Variants in THAP8 observed in about 807,000 individuals in gnomAD.
THAP8 encodes THAP domain containing 8.
Under a neutral mutation model 25.0 loss-of-function variants are expected in THAP8, and 24 were observed. That is an observed-to-expected ratio of 0.96 (90% CI 0.69 to 1.35). The LOEUF (loss-of-function observed/expected upper bound fraction) is 1.35, where lower values mean the gene tolerates loss of function less well. Among genes scored for constraint, THAP8 ranks in the 40% most tolerant of loss-of-function variants. The pLI, the probability that THAP8 is intolerant of heterozygous loss-of-function variation, is 0.00. For synonymous variants in THAP8, 169 were observed against 157.6 expected (o/e 1.07, Z -0.54); for missense variants, 399 against 368.8 (o/e 1.08, Z -0.67).
intron 1 of THAP8, among the ~76,000 whole-genome samples, chr19:36,043,331 T>C (rs1969765483): frequency 6.6e-6 from 1 of 152,086 alleles, no homozygotes; most frequent in Non-Finnish European, 1.5e-5. Flanking sequence ...ACGATTTCAC[T>C]TATATGAGGT....
intron 1 of THAP8, among the ~76,000 whole-genome samples, chr19:36,047,889 A>G (rs914880448): frequency 6.6e-6 from 1 of 152,040 alleles, no homozygotes; most frequent in Non-Finnish European, 1.5e-5. Flanking sequence ...CTGTGGAGCT[A>G]CTATCCCAGT....
At chr19:36,053,366 C>CAAAA (rs58744657) in intron 1 of THAP8, among the ~76,000 whole-genome samples, 36 of 77,074 alleles carry the variant, frequency 4.7e-4, no homozygotes, top group African/African-American at 1.0e-3. Context: ...CCAAGCCTGG[C>CAAAA]AAAAAAAAAA....
chr19:36,039,533 C>A lies in THAP8; in HGVS notation c.462G>T (p.Ala154=). ...ATMLLTPLAP[A]PTPERSQPEV... ...CAGGTTGTGACCGCTCAGGAGTTGG[C>A]GCAGGGGCCAGGGGGGTCAGGAGCA... The change falls in exon 3 of 4, where the codon GCG becomes GCT. Residue 154 remains alanine, a synonymous_variant. Coordinates refer to ENST00000292894, the MANE Select transcript of THAP8 (RefSeq NM_152658.3). 6.5e-7 allele frequency: 1 copy of A among 1,549,068 alleles called. No homozygotes were observed. The highest frequency in any genetic ancestry group is 1.2e-5 in the South Asian group (1 of 83,110).
chr19:36,042,609 C>CA (rs1280567784), intron 1 of THAP8, among the ~76,000 whole-genome samples: 1 of 152,132 alleles, frequency 6.6e-6, no homozygotes, highest in Non-Finnish European at 1.5e-5. Flanking sequence ...CTAGCCTGGG[C>CA]AAAAGAGCGA....
intron 1 of THAP8, among the ~76,000 whole-genome samples, chr19:36,049,346 C>A (rs1969986812): frequency 6.6e-6 from 1 of 150,988 alleles, no homozygotes. Context: ...GCCTGGGTGA[C>A]AAAGCAAGAT....
chr19:36,045,307 C>T lies in THAP8; in HGVS notation c.84-5171G>A, dbSNP rs758655899. On this transcript the variant is annotated intron_variant, in intron 1 of 3. Transcript: ENST00000292894. The stretch of plus-strand genomic sequence containing the variant: ...ATTTAGAGACAGGGTTTTGCTCTGT[C>T]ACCCAGGTTGGAGTGCTGTGGTGTG... Among the ~76,000 whole-genome samples, 22 of 152,092 alleles carry T rather than the reference C, an allele frequency of 1.4e-4. No individual in the cohort carries two copies. The Middle Eastern group carries it at 0.017, about 118-fold the overall frequency.
intron 1 of THAP8, among the ~76,000 whole-genome samples, chr19:36,047,182 A>G (rs1969908338): frequency 6.6e-6 from 1 of 152,190 alleles, no homozygotes; most frequent in Non-Finnish European, 1.5e-5. Context: ...CTTGCTGGTC[A>G]TCTTGTCCAG....
intron 1 of THAP8, among the ~76,000 whole-genome samples, chr19:36,053,065 A>G (rs1383063006): frequency 6.6e-6 from 1 of 151,574 alleles, no homozygotes; most frequent in East Asian, 2.0e-4. Flanking sequence ...TCTCTCTTTA[A>G]AAACAAAATT....
chr19:36,038,837 C>A (rs536850895), intron 3 of THAP8, among the ~76,000 whole-genome samples: 1 of 146,788 alleles, frequency 6.8e-6, no homozygotes, highest in African/African-American at 2.6e-5. Context: ...GGCAACAGAG[C>A]GAGACTCCGT....
At chr19:36,054,755 T>G, upstream of THAP8, 2 of 624,026 alleles carry the variant, frequency 3.2e-6, no homozygotes, top group Non-Finnish European at 5.6e-6. Context: ...TCCAGTACAC[T>G]GGCTGTGGCC....
At chr19:36,045,119 G>A (rs906686400) in intron 1 of THAP8, among the ~76,000 whole-genome samples, 1 of 151,730 alleles carries the variant, frequency 6.6e-6, no homozygotes, top group Non-Finnish European at 1.5e-5. Context: ...ATGGAGTCTC[G>A]CTCTGTCACC....
rs997644171 is a variant in THAP8, at chr19:36,045,744, G to A, written c.84-5608C>T. 4 of 456,522 alleles carry A rather than the reference G, an allele frequency of 8.8e-6. No individual in the cohort carries two copies. The Admixed American group carries it at 9.4e-5, about 11-fold the overall frequency. The allele number at this position is 456,522 out of a possible 1,614,324, so 28.3% of individuals were successfully genotyped here. A position where few individuals can be genotyped will look rare whatever the true frequency, so the allele number is the denominator to read the frequency against. On this transcript the variant is annotated intron_variant, in intron 1 of 3. Transcript: ENST00000292894. Reference sequence around the variant, plus strand: ...AGGGCAATGCAACCATGGAGGCAGAGACTGGAGAGATGTGGCCACAAGCCA... The same window carrying A: ...AGGGCAATGCAACCATGGAGGCAGAAACTGGAGAGATGTGGCCACAAGCCA...
chr19:36,051,895 C>T (rs1970065899), intron 1 of THAP8, among the ~76,000 whole-genome samples: 1 of 152,190 alleles, frequency 6.6e-6, no homozygotes, highest in Admixed American at 6.5e-5. Context: ...TTTACAGCCA[C>T]TCCCCACTGC....
chr19:36,054,248 G>C lies in THAP8; in HGVS notation c.-31C>G, dbSNP rs774685805. 6 of 1,605,416 alleles carry C rather than the reference G, an allele frequency of 3.7e-6. No individual in the cohort carries two copies. The highest frequency in any genetic ancestry group is 4.5e-5 in the East Asian group (2 of 44,594). On this transcript the variant is annotated 5_prime_UTR_variant, in exon 1 of 4. Transcript: ENST00000292894. ...TCCAGCCCCCGCTGAGTTTTGCCGG[G>C]TCAGCGGCTGCACTTTGGTTCTCGC...
chr19:36,052,566 G>A (rs757605910), intron 1 of THAP8, among the ~76,000 whole-genome samples: 2 of 152,224 alleles, frequency 1.3e-5, no homozygotes, highest in Non-Finnish European at 2.9e-5. Context: ...AAACTAAGCA[G>A]TGTTCAGATT....
At chr19:36,052,043 T>G (rs980974300) in intron 1 of THAP8, among the ~76,000 whole-genome samples, 1 of 151,392 alleles carries the variant, frequency 6.6e-6, no homozygotes, top group Non-Finnish European at 1.5e-5. Flanking sequence ...GTTTGTTTTT[T>G]GGGTTTTTTG....
rs1393614396 is a variant in THAP8, at chr19:36,035,117, A to T, written c.*323T>A. Reference sequence around the variant, plus strand: ...TGAACTCAGTACCAGGCTTGGCAAAAAGCGTGGGACTCCTTAGAACCAGGT... The same window carrying T: ...TGAACTCAGTACCAGGCTTGGCAAATAGCGTGGGACTCCTTAGAACCAGGT... On this transcript the variant is annotated 3_prime_UTR_variant, in exon 4 of 4. Coordinates refer to ENST00000292894, the MANE Select transcript of THAP8 (RefSeq NM_152658.3). The T allele has an allele frequency of 8.2e-6, 2 of 243,434 alleles. No individual in the cohort carries two copies. Among genetic ancestry groups the T allele is most frequent in the African/African-American group, 4.4e-5 (2 of 45,060 alleles). 15.1% of individuals were successfully genotyped at this position (243,434 alleles called of 1,614,324 possible).
intron 1 of THAP8, among the ~76,000 whole-genome samples, chr19:36,042,174 G>C (rs1231551358): frequency 1.3e-5 from 2 of 152,130 alleles, no homozygotes; most frequent in African/African-American, 4.8e-5. Flanking sequence ...CTGGTACACT[G>C]CTGGGAATGT....
intron 1 of THAP8, among the ~76,000 whole-genome samples, chr19:36,052,113 C>T (rs1189094818): frequency 6.6e-6 from 1 of 151,820 alleles, no homozygotes; most frequent in Non-Finnish European, 1.5e-5. Flanking sequence ...GGCGCAATCT[C>T]GGCTCACTGC....
Sources: allele counts gnomAD v4.1 joint callset (sites outside exome capture counted in the v4.1 genomes callset), GRCh38; gene constraint gnomAD v4.1.1; transcripts MANE v1.5; gene names NCBI Gene and HGNC (gene_info 2026-07-23, HGNC 2026-07-21).